LAPTM5: variants seen among roughly 807,000 people sequenced by gnomAD.
The protein encoded by LAPTM5 is lysosomal-associated transmembrane protein 5.
In LAPTM5, 11 loss-of-function variants were observed where a neutral mutation model predicts 30.1. The observed-to-expected ratio is 0.37, with a 90% CI of 0.23 to 0.60. LAPTM5 has a LOEUF of 0.60. Ranked by LOEUF, LAPTM5 falls within the 20% of genes least tolerant of loss-of-function variation. The probability of loss-of-function intolerance (pLI) is 0.71; values close to 1 mark genes in which losing one functional copy is unlikely to be tolerated. For synonymous variants in LAPTM5, 151 were observed against 137.9 expected, an observed-to-expected ratio of 1.10 and a Z score of -0.67; for missense variants, 324 against 332.5, an observed-to-expected ratio of 0.97 and a Z score of 0.20.
chr1:30,753,747 G>T (rs981268691), intron 1 of LAPTM5, among the ~76,000 whole-genome samples: 1 of 152,186 alleles, frequency 6.6e-6, no homozygotes, highest in Non-Finnish European at 1.5e-5. Flanking sequence ...TGGGGAAATA[G>T]GGGTGAAGCA....
chr1:30,736,636 A>G (rs1639889056), intron 6 of LAPTM5, among the ~76,000 whole-genome samples: 1 of 151,408 alleles, frequency 6.6e-6, no homozygotes, highest in Non-Finnish European at 1.5e-5. Flanking sequence ...GAATCTTGCT[A>G]TGTTGCCCAG....
chr1:30,732,571 A>G lies in LAPTM5; in HGVS notation c.*1257T>C, dbSNP rs1284131628. On this transcript the variant is annotated 3_prime_UTR_variant, in exon 8 of 8. Coordinates refer to ENST00000294507, the MANE Select transcript of LAPTM5 (RefSeq NM_006762.3). Reference sequence around the variant, plus strand: ...CTCTTGCAGAGCCTTCTCCCTCTGTACCCCCCGACAGTCCCCAGAGACCCT... The same window carrying G: ...CTCTTGCAGAGCCTTCTCCCTCTGTGCCCCCCGACAGTCCCCAGAGACCCT... The G allele has an allele frequency of 6.6e-6, 1 of 151,340 alleles. No individual in the cohort carries two copies. The highest frequency in any genetic ancestry group is 1.5e-5 in the Non-Finnish European group (1 of 67,814). The allele number at this position is 151,340 out of a possible 1,614,324, so 9.4% of individuals were successfully genotyped here.
chr1:30,742,017 C>T (rs1013267304), intron 2 of LAPTM5: 4 of 356,546 alleles, frequency 1.1e-5, no homozygotes, highest in African/African-American at 2.1e-5. Context: ...AATGAGGAAT[C>T]GGCCTGAGAC....
chr1:30,756,409 G>A (rs571649969), intron 1 of LAPTM5, among the ~76,000 whole-genome samples: 1 of 152,326 alleles, frequency 6.6e-6, no homozygotes, highest in Admixed American at 6.5e-5. Context: ...TGCGTCAGGC[G>A]TGGTTCTGCA....
intron 1 of LAPTM5, among the ~76,000 whole-genome samples, chr1:30,755,439 G>T (rs1431953322): frequency 2.6e-5 from 4 of 151,968 alleles, no homozygotes; most frequent in Non-Finnish European, 5.9e-5. Flanking sequence ...CAAACTCCAG[G>T]TTTGTCTCTA....
intron 2 of LAPTM5, 71 bp from the exon 3 acceptor site, chr1:30,741,787 A>G (rs1383754935): frequency 8.9e-7 from 1 of 1,126,574 alleles, no homozygotes; most frequent in Non-Finnish European, 1.3e-6. Context: ...CCAGGACCAC[A>G]CTTGGGGAAC....
At chr1:30,735,526 G>A (rs1639873578) in intron 6 of LAPTM5, among the ~76,000 whole-genome samples, 1 of 152,158 alleles carries the variant, frequency 6.6e-6, no homozygotes, top group Non-Finnish European at 1.5e-5. Flanking sequence ...AATTTCCCTG[G>A]CAATAGTCCC....
chr1:30,742,961 G>T (rs1168944753), intron 1 of LAPTM5, among the ~76,000 whole-genome samples: 2 of 152,166 alleles, frequency 1.3e-5, no homozygotes, highest in Non-Finnish European at 2.9e-5. Context: ...GTGGGGGGTA[G>T]AAGCTGAAGG....
intron 5 of LAPTM5, among the ~76,000 whole-genome samples, chr1:30,738,586 A>G (rs1639922671): frequency 6.6e-6 from 1 of 152,212 alleles, no homozygotes; most frequent in Non-Finnish European, 1.5e-5. Context: ...ATAAATGTTT[A>G]TTGCTTTAAG....
Position 30,743,795 on chromosome 1 carries a change from G to GTTT in LAPTM5, c.88-1249_88-1247dup, listed in dbSNP as rs756356075. ...TGTTTCCCCCTTGCTGACTGTGTGG[G>GTTT]TTTTTTTTTTTTTTTTTTTTTTAGC... On this transcript the variant is annotated intron_variant, in intron 1 of 7. Coordinates refer to ENST00000294507, the MANE Select transcript of LAPTM5 (RefSeq NM_006762.3). 5.2e-3 allele frequency among the ~76,000 whole-genome samples: 562 copies of GTTT among 107,826 alleles called. 45 individuals are homozygous for GTTT. Among genetic ancestry groups the GTTT allele is most frequent in the African/African-American group, 0.013 (346 of 27,372 alleles). 70.7% of individuals were successfully genotyped at this position (107,826 alleles called of 152,430 possible).
chr1:30,744,938 T>A (rs993860667), intron 1 of LAPTM5, among the ~76,000 whole-genome samples: 2 of 152,136 alleles, frequency 1.3e-5, no homozygotes, highest in East Asian at 1.9e-4. Flanking sequence ...TACTAAAAAA[T>A]TTCCAGAAAT....
intron 5 of LAPTM5, among the ~76,000 whole-genome samples, chr1:30,738,459 C>G (rs1639920054): frequency 6.6e-6 from 1 of 152,138 alleles, no homozygotes; most frequent in Admixed American, 6.5e-5. Context: ...TAATCAAGCC[C>G]TCAGTTGTCC....
intron 1 of LAPTM5, among the ~76,000 whole-genome samples, chr1:30,755,024 G>A (rs549111960): frequency 3.3e-5 from 5 of 152,334 alleles, no homozygotes; most frequent in East Asian, 3.9e-4. Context: ...CTGGGAAGGA[G>A]AGAGGACTCT....
intron 3 of LAPTM5, among the ~76,000 whole-genome samples, chr1:30,740,524 C>T (rs1038051461): frequency 4.2e-4 from 64 of 151,816 alleles, no homozygotes; most frequent in Admixed American, 4.2e-3. Flanking sequence ...CCCTCTTCTT[C>T]AATTGAAAGC....
At chr1:30,750,449 C>T (rs1287212448) in intron 1 of LAPTM5, among the ~76,000 whole-genome samples, 1 of 152,220 alleles carries the variant, frequency 6.6e-6, no homozygotes, top group African/African-American at 2.4e-5. Context: ...CTGCAATCCA[C>T]GATGTGGAAC....
chr1:30,743,072 C>T (rs1405209704), intron 1 of LAPTM5, among the ~76,000 whole-genome samples: 1 of 152,130 alleles, frequency 6.6e-6, no homozygotes, highest in Non-Finnish European at 1.5e-5. Context: ...CCAGGAGGGC[C>T]CTGGAGAGCA....
intron 5 of LAPTM5, among the ~76,000 whole-genome samples, 197 bp downstream of exon 5, chr1:30,738,743 T>C (rs1352414850): frequency 1.3e-5 from 2 of 152,200 alleles, no homozygotes; most frequent in African/African-American, 4.8e-5. Flanking sequence ...TTCCTCCTTT[T>C]CTCGAACCTG....
At chr1:30,740,003 G>A in intron 3 of LAPTM5, 66 bp from the exon 4 acceptor site, 1 of 1,476,932 alleles carries the variant, frequency 6.8e-7, no homozygotes. Context: ...CACCCAGCCT[G>A]ATATCCTCAT....
Position 30,733,827 on chromosome 1 carries a change from G to A in LAPTM5, c.*1C>T. 6.2e-7 allele frequency: 1 copy of A among 1,603,372 alleles called. No homozygotes were observed. The highest frequency in any genetic ancestry group is 8.5e-7 in the Non-Finnish European group (1 of 1,177,210). ...GCACTGGGGCTGGGGCCTGGCGAGG[G>A]TCACACCTCTGAGTATGGGGGTGGT... On this transcript the variant is annotated 3_prime_UTR_variant, in exon 8 of 8. Coordinates refer to ENST00000294507, the MANE Select transcript of LAPTM5 (RefSeq NM_006762.3).
Sources: gnomAD v4.1 joint callset for allele counts (sites outside exome capture counted in the v4.1 genomes callset) on GRCh38, gnomAD v4.1.1 for gene constraint, MANE v1.5 for transcripts, NCBI Gene and HGNC (gene_info 2026-07-23, HGNC 2026-07-21) for gene names.